CLPB: variants seen among roughly 807,000 people sequenced by gnomAD.
CLPB encodes ClpB family mitochondrial disaggregase, also known as mitochondrial disaggregase.
In CLPB, 40 loss-of-function variants were observed where a neutral mutation model predicts 78.4. The observed-to-expected ratio is 0.51, with a 90% CI of 0.40 to 0.66. The LOEUF (loss-of-function observed/expected upper bound fraction) is 0.66, where lower values mean the gene tolerates loss of function less well. Ranked by LOEUF, CLPB falls within the 30% of genes least tolerant of loss-of-function variation. CLPB has a pLI of 0.00. For missense variants in CLPB, 780 were observed against 886.9 expected (o/e 0.88, Z 1.53); for synonymous variants, 333 against 348.0 (o/e 0.96, Z 0.48).
intron 3 of CLPB, among the ~76,000 whole-genome samples, chr11:72,385,256 C>A (rs1230189166): frequency 6.6e-6 from 1 of 152,146 alleles, no homozygotes; most frequent in African/African-American, 2.4e-5. Flanking sequence ...GGAGTATGAC[C>A]AGAGGCAGGG....
chr11:72,323,572 A>G (rs1950081523), intron 6 of CLPB, among the ~76,000 whole-genome samples: 1 of 151,990 alleles, frequency 6.6e-6, no homozygotes, highest in Non-Finnish European at 1.5e-5. Flanking sequence ...TCTCAAAAAA[A>G]AAAAAAAAAA....
At chr11:72,401,187 C>A (rs1327756240) in intron 3 of CLPB, among the ~76,000 whole-genome samples, 1 of 152,174 alleles carries the variant, frequency 6.6e-6, no homozygotes, top group African/African-American at 2.4e-5. Flanking sequence ...CGCCTGTAAT[C>A]CCAGCACTTT....
At chr11:72,294,800 G>A (rs531413614) in intron 12 of CLPB, 107 bp from the exon 13 acceptor site, 630 of 938,124 alleles carry the variant, frequency 6.7e-4, no homozygotes, top group Non-Finnish European at 1.0e-3. Flanking sequence ...CTGTCCATCT[G>A]TGTGGTCCTG....
intron 7 of CLPB, among the ~76,000 whole-genome samples, chr11:72,313,949 G>T (rs1231520331): frequency 1.3e-5 from 2 of 152,222 alleles, no homozygotes; most frequent in Non-Finnish European, 2.9e-5. Flanking sequence ...ATGATGTGGG[G>T]TGGAACTGCA....
intron 1 of CLPB, among the ~76,000 whole-genome samples, chr11:72,430,949 T>C (rs1856528952): frequency 6.6e-6 from 1 of 152,172 alleles, no homozygotes; most frequent in Non-Finnish European, 1.5e-5. Flanking sequence ...CAACCACAGC[T>C]TTCCTGACTG....
At chr11:72,309,654 AC>A (rs1207004528) in intron 7 of CLPB, among the ~76,000 whole-genome samples, 1 of 152,136 alleles carries the variant, frequency 6.6e-6, no homozygotes, top group Non-Finnish European at 1.5e-5. Flanking sequence ...CTCTCTCTAA[AC>A]CTGTCGTCTT....
intron 4 of CLPB, among the ~76,000 whole-genome samples, chr11:72,360,555 GC>G (rs1950817913): frequency 6.6e-6 from 1 of 151,884 alleles, no homozygotes; most frequent in African/African-American, 2.4e-5. Flanking sequence ...CTCTGCCTTA[GC>G]CTCCCGAGTA....
chr11:72,294,540 C>T, intron 13 of CLPB, 80 bp downstream of exon 13: 1 of 1,609,008 alleles, frequency 6.2e-7, no homozygotes, highest in South Asian at 1.1e-5. Context: ...AATTATGGGG[C>T]TTCCAGATCT....
In CLPB at chr11:72,293,216, A is replaced by G; in HGVS notation, c.*151T>C. On this transcript the variant is annotated 3_prime_UTR_variant, in exon 16 of 16. Transcript: ENST00000538039. ...ATTCCTCCTTCAGGTTTTGGGGCTGAGAAGGGGTCTTCATGGGCTGTGAGG... is the reference window on the plus strand; with the variant it reads ...ATTCCTCCTTCAGGTTTTGGGGCTGGGAAGGGGTCTTCATGGGCTGTGAGG... The G allele has an allele frequency of 2.1e-6, 2 of 963,242 alleles. No individual in the cohort carries two copies. Among genetic ancestry groups the G allele is most frequent in the East Asian group, 5.2e-5 (2 of 38,320 alleles). The allele number at this position is 963,242 out of a possible 1,614,324, so 59.7% of individuals were successfully genotyped here. A position where few individuals can be genotyped will look rare whatever the true frequency, so the allele number is the denominator to read the frequency against.
chr11:72,376,820 C>T (rs189921608), intron 4 of CLPB, among the ~76,000 whole-genome samples: 111 of 152,162 alleles, frequency 7.3e-4, no homozygotes, highest in African/African-American at 2.6e-3. Flanking sequence ...TACAGGCATG[C>T]ACCACCACGC....
intron 4 of CLPB, among the ~76,000 whole-genome samples, chr11:72,360,107 G>A (rs1950806739): frequency 6.6e-6 from 1 of 152,192 alleles, no homozygotes; most frequent in African/African-American, 2.4e-5. Context: ...CTCAGGCAAT[G>A]GAGCTTCTTT....
At chr11:72,304,139 A>T (rs1350608595) in intron 9 of CLPB, 1 of 152,214 alleles carries the variant, frequency 6.6e-6, no homozygotes, top group East Asian at 1.9e-4. Context: ...GTAATTTTGA[A>T]CAAGTTTTTG....
At chr11:72,397,361 A>G (rs1435732578) in intron 3 of CLPB, among the ~76,000 whole-genome samples, 2 of 152,354 alleles carry the variant, frequency 1.3e-5, no homozygotes, top group African/African-American at 4.8e-5. Context: ...TTGCAGACGT[A>G]CATTTTTATT....
At chr11:72,355,193 C>T (rs1220103623) in intron 5 of CLPB, 1 of 152,234 alleles carries the variant, frequency 6.6e-6, no homozygotes, top group Admixed American at 6.5e-5. Flanking sequence ...CTGTGCTAAG[C>T]TGTACAATGC....
At chr11:72,299,010 T>C (rs948161029) in intron 11 of CLPB, among the ~76,000 whole-genome samples, 3 of 152,258 alleles carry the variant, frequency 2.0e-5, no homozygotes, top group Non-Finnish European at 4.4e-5. Context: ...CCCATAAAAC[T>C]GATGAACGGC....
chr11:72,398,770 G>C (rs1425169196), intron 3 of CLPB, among the ~76,000 whole-genome samples: 1 of 152,142 alleles, frequency 6.6e-6, no homozygotes, highest in Non-Finnish European at 1.5e-5. Flanking sequence ...GTGGAGAAGG[G>C]GCCAGACCCC....
intron 2 of CLPB, among the ~76,000 whole-genome samples, chr11:72,423,753 T>C (rs1856277843): frequency 6.6e-6 from 1 of 152,234 alleles, no homozygotes; most frequent in Non-Finnish European, 1.5e-5. Context: ...AAATAAAAAC[T>C]GTTAATATGG....
chr11:72,334,174 G>T (rs933143841), intron 5 of CLPB, among the ~76,000 whole-genome samples: 1 of 152,214 alleles, frequency 6.6e-6, no homozygotes, highest in African/African-American at 2.4e-5. Flanking sequence ...TGAAAAATGT[G>T]TGCCATAAAC....
At chr11:72,410,349 T>C (rs1329166830) in intron 2 of CLPB, among the ~76,000 whole-genome samples, 1 of 152,198 alleles carries the variant, frequency 6.6e-6, no homozygotes, top group Admixed American at 6.5e-5. Flanking sequence ...TGATAGCTCC[T>C]GCTCTCTAAG....
Sources: gnomAD v4.1 joint callset for allele counts (sites outside exome capture counted in the v4.1 genomes callset) on GRCh38, gnomAD v4.1.1 for gene constraint, MANE v1.5 for transcripts, NCBI Gene and HGNC (gene_info 2026-07-23, HGNC 2026-07-21) for gene names.